USP9X: variants seen among roughly 807,000 people sequenced by gnomAD.
USP9X encodes ubiquitin carboxyl-terminal hydrolase 9X.
In USP9X, 7 loss-of-function variants were observed where a neutral mutation model predicts 190.3. That is an observed-to-expected ratio of 0.04 (90% CI 0.02 to 0.07). The LOEUF is 0.07. Among genes scored for constraint, USP9X ranks in the 10% least tolerant of loss-of-function variants. USP9X has a pLI of 1.00. For missense variants in USP9X, 1,010 were observed against 1,916.9 expected, an observed-to-expected ratio of 0.53 and a Z score of 8.83; for synonymous variants, 645 against 659.5, an observed-to-expected ratio of 0.98 and a Z score of 0.34.
intron 1 of USP9X, among the ~76,000 whole-genome samples, chrX:41,088,671 G>C (rs988030303): frequency 9.0e-6 from 1 of 111,400 alleles, no homozygotes; most frequent in African/African-American, 3.3e-5. Context: ...TGAGTTAGTT[G>C]ATTTTTATTC....
chrX:41,154,953 C>T (rs986036237), intron 14 of USP9X, among the ~76,000 whole-genome samples: 2 of 111,753 alleles, frequency 1.8e-5, no homozygotes, highest in African/African-American at 6.5e-5. Context: ...CTTTTTACAA[C>T]GTTAAATCAC....
Position 41,108,471 on chromosome X carries a change from A to C in USP9X, c.-158-15000A>C, listed in dbSNP as rs139178293. Reference sequence around the variant, plus strand: ...TTGTTCTGACCCCAGGAAGGTTCTTAGCTTTTATTTCCCTGGTTCTATCTG... The same window carrying C: ...TTGTTCTGACCCCAGGAAGGTTCTTCGCTTTTATTTCCCTGGTTCTATCTG... On this transcript the variant is annotated intron_variant, in intron 1 of 44. Coordinates refer to ENST00000378308, the MANE Select transcript of USP9X (RefSeq NM_001039591.3). Among the ~76,000 whole-genome samples the C allele has an allele frequency of 2.3e-3, 252 of 111,063 alleles. 1 individual carries two copies. Among genetic ancestry groups the C allele is most frequent in the Admixed American group, 4.9e-3 (51 of 10,441 alleles).
intron 17 of USP9X, 55 bp from the exon 18 acceptor site, chrX:41,167,951 TG>T: frequency 9.7e-7 from 1 of 1,033,674 alleles, no homozygotes; most frequent in Non-Finnish European, 1.3e-6. Flanking sequence ...GATTAATATT[TG>T]GTTTTTACAT....
chrX:41,232,822 G>T lies in USP9X; in HGVS notation c.*298G>T. On this transcript the variant is annotated 3_prime_UTR_variant, in exon 45 of 45. Coordinates refer to ENST00000378308, the MANE Select transcript of USP9X (RefSeq NM_001039591.3). ...AAGCAAGAAACTTTTTTCTTGATGA[G>T]ACTCACAGATCTACACAAACTACAA... 1.8e-5 allele frequency: 2 copies of T among 110,588 alleles called. No homozygotes were observed. The highest frequency in any genetic ancestry group is 1.8e-5 in the Non-Finnish European group (1 of 55,886). 9.1% of individuals were successfully genotyped at this position (110,588 alleles called of 1,213,427 possible). A position where few individuals can be genotyped will look rare whatever the true frequency, so the allele number is the denominator to read the frequency against.
intron 42 of USP9X, 37 bp from the exon 43 acceptor site, chrX:41,229,530 A>G: frequency 8.4e-7 from 1 of 1,192,605 alleles, no homozygotes; most frequent in African/African-American, 1.8e-5. Context: ...AAGTATTCCA[A>G]ATCCTCTTAT....
chrX:41,101,305 C>T (rs906871962), intron 1 of USP9X, among the ~76,000 whole-genome samples: 3 of 109,593 alleles, frequency 2.7e-5, no homozygotes, highest in African/African-American at 6.7e-5. Context: ...GCCAGCCAGG[C>T]ACGGTGGCTC....
chrX:41,175,078 C>A (rs1390072311), intron 21 of USP9X, among the ~76,000 whole-genome samples: 2 of 112,355 alleles, frequency 1.8e-5, no homozygotes, highest in African/African-American at 6.5e-5. Context: ...TGTATGAAAT[C>A]ATGATCAAGG....
At chrX:41,138,332 A>T (rs1245118640) in intron 6 of USP9X, among the ~76,000 whole-genome samples, 2 of 111,762 alleles carry the variant, frequency 1.8e-5, no homozygotes, top group Non-Finnish European at 3.8e-5. Flanking sequence ...TAGCCTCCAT[A>T]TGTTTTTTTC....
chrX:41,143,387 G>A lies in USP9X; in HGVS notation c.1258G>A (p.Val420Ile). The change falls in exon 10 of 45, where the codon GTC (valine) becomes ATC (isoleucine). Residue 420 changes from valine to isoleucine, a missense_variant. This residue lies in a region of USP9X where 39 missense variants were observed against 132.4 expected (regional missense o/e 0.29). Coordinates refer to ENST00000378308, the MANE Select transcript of USP9X (RefSeq NM_001039591.3). Reference protein sequence around the residue: ...VEKLEKILRFVIKEKALTLQD... With the variant: ...VEKLEKILRFIIKEKALTLQD... Reference sequence around the variant, plus strand: ...AAAGTTAGAGAAGATTCTTCGTTTTGTCATCAAAGAAAAAGCTCTGACCTT... The same window carrying A: ...AAAGTTAGAGAAGATTCTTCGTTTTATCATCAAAGAAAAAGCTCTGACCTT... The A allele has an allele frequency of 2.5e-6, 3 of 1,206,162 alleles. No homozygotes were observed. Among genetic ancestry groups the A allele is most frequent in the Non-Finnish European group, 2.2e-6 (2 of 892,408 alleles).
Position 41,167,959 on chromosome X carries a change from A to G in USP9X, c.2425-48A>G, listed in dbSNP as rs373623287. The G allele has an allele frequency of 2.7e-6, 3 of 1,113,596 alleles. No individual in the cohort carries two copies. In the African/African-American group the frequency reaches 5.4e-5, roughly 20 times the overall value. The allele number at this position is 1,113,596 out of a possible 1,213,427, so 91.8% of individuals were successfully genotyped here. A position where few individuals can be genotyped will look rare whatever the true frequency, so the allele number is the denominator to read the frequency against. ...TTAATTGGATTAATATTTGGTTTTT[A>G]CATTTTAAAGCAATTTTAACTGTGT... On this transcript the variant is annotated intron_variant, in intron 17 of 44. Coordinates refer to ENST00000378308, the MANE Select transcript of USP9X (RefSeq NM_001039591.3).
chrX:41,134,639 T>C, intron 4 of USP9X, 86 bp from the exon 5 acceptor site: 1 of 759,146 alleles, frequency 1.3e-6, no homozygotes, highest in Non-Finnish European at 1.9e-6. Flanking sequence ...TTTCCAGTTA[T>C]TTATTACCTT....
At chrX:41,197,330 T>TTTCCC in intron 28 of USP9X, 34 bp from the exon 29 acceptor site, 1 of 709,799 alleles carries the variant, frequency 1.4e-6, no homozygotes, top group Non-Finnish European at 1.9e-6. Context: ...ATTTGATTTC[T>TTTCCC]TCCCCCCCCC....
intron 1 of USP9X, among the ~76,000 whole-genome samples, chrX:41,102,449 C>T (rs2062040895): frequency 1.8e-5 from 2 of 110,425 alleles, no homozygotes; most frequent in East Asian, 5.7e-4. Context: ...GAAAACCTGT[C>T]TCTACTAAAA....
At chrX:41,173,035 GT>G (rs2147130051) in intron 21 of USP9X, among the ~76,000 whole-genome samples, 1 of 111,768 alleles carries the variant, frequency 8.9e-6, no homozygotes, top group Admixed American at 9.5e-5. Context: ...TTCTTTGATA[GT>G]TTTCTCACCA....
intron 1 of USP9X, among the ~76,000 whole-genome samples, chrX:41,114,265 A>G (rs2062130863): frequency 8.9e-6 from 1 of 111,867 alleles, no homozygotes; most frequent in Non-Finnish European, 1.9e-5. Flanking sequence ...GAAGCAGAGA[A>G]AAGTCATGAC....
intron 24 of USP9X, among the ~76,000 whole-genome samples, 178 bp from the exon 25 acceptor site, chrX:41,187,814 G>A (rs1602014148): frequency 9.2e-6 from 1 of 108,365 alleles, no homozygotes; most frequent in Admixed American, 9.8e-5. Flanking sequence ...GAGCCAGAGG[G>A]CCCTCCGCCC....
At chrX:41,127,955 T>C (rs1048765155) in intron 2 of USP9X, among the ~76,000 whole-genome samples, 35 of 112,157 alleles carry the variant, frequency 3.1e-4, no homozygotes, top group Non-Finnish European at 6.4e-4. Context: ...TACCACCTGC[T>C]TTCTGAATTA....
intron 11 of USP9X, among the ~76,000 whole-genome samples, chrX:41,146,452 T>G (rs1187124433): frequency 8.9e-6 from 1 of 112,138 alleles, no homozygotes; most frequent in African/African-American, 3.2e-5. Context: ...GACTTTGCTT[T>G]ATGTACTTGG....
At chrX:41,123,820 A>G in intron 2 of USP9X, 96 bp downstream of exon 2, 1 of 835,763 alleles carries the variant, frequency 1.2e-6, no homozygotes, top group African/African-American at 2.0e-5. Context: ...AGGCAGGCAG[A>G]TCACTTGAGG....
Sources: gnomAD v4.1 joint callset for allele counts (sites outside exome capture counted in the v4.1 genomes callset) on GRCh38, gnomAD v4.1.1 for gene constraint, gnomAD v4.1.1 regional missense constraint, MANE v1.5 for transcripts, NCBI Gene and HGNC (gene_info 2026-07-23, HGNC 2026-07-21) for gene names.